The following GCA variants were observed in gnomAD, a reference collection of about 807,000 sequenced individuals.
The protein encoded by GCA is grancalcin.
Under a neutral mutation model 32.6 loss-of-function variants are expected in GCA, and 30 were observed. The ratio of observed to expected loss-of-function variants is 0.92; its 90% CI spans 0.69 to 1.25. The LOEUF (loss-of-function observed/expected upper bound fraction) is 1.25, where lower values mean the gene tolerates loss of function less well. Ranked by LOEUF, GCA falls within the 50% of genes most tolerant of loss-of-function variation. GCA has a pLI of 0.00. For missense variants in GCA, 291 were observed against 266.8 expected (o/e 1.09, Z -0.63); for synonymous variants, 102 against 84.6 (o/e 1.21, Z -1.13).
In GCA at chr2:162,352,425, C is replaced by T. The variant is rs201832729; in HGVS notation, c.262+18C>T. The T allele has an allele frequency of 2.0e-5, 28 of 1,430,086 alleles. No homozygotes were observed. The highest frequency in any genetic ancestry group is 2.7e-5 in the Non-Finnish European group (28 of 1,021,486). 88.6% of individuals were successfully genotyped at this position (1,430,086 alleles called of 1,614,324 possible). A position where few individuals can be genotyped will look rare whatever the true frequency, so the allele number is the denominator to read the frequency against. Reference sequence around the variant, plus strand: ...TTACTCTCGTGAGATCTTTTTTCCCCTTTTGTTGAAATTATAATAGGAAGT... The same window carrying T: ...TTACTCTCGTGAGATCTTTTTTCCCTTTTTGTTGAAATTATAATAGGAAGT... On this transcript the variant is annotated intron_variant, in intron 3 of 7. Coordinates refer to ENST00000437150, the MANE Select transcript of GCA (RefSeq NM_012198.5).
At chr2:162,363,876 G>A (rs1685671497), downstream of GCA, among the ~76,000 whole-genome samples, 1 of 151,516 alleles carries the variant, frequency 6.6e-6, no homozygotes, top group Admixed American at 6.6e-5. Flanking sequence ...GTGTGCTTCT[G>A]TGTATCTGAA....
intron 5 of GCA, among the ~76,000 whole-genome samples, chr2:162,358,576 T>C (rs1194355202): frequency 1.3e-5 from 2 of 151,372 alleles, no homozygotes; most frequent in African/African-American, 2.4e-5. Flanking sequence ...TTTTCCCCTG[T>C]AGAGTAATCA....
At chr2:162,355,147 G>A (rs1685203589) in intron 3 of GCA, among the ~76,000 whole-genome samples, 2 of 152,114 alleles carry the variant, frequency 1.3e-5, no homozygotes, top group South Asian at 2.1e-4. Flanking sequence ...CTTTGTAAAC[G>A]TGGGGAACTG....
At chr2:162,371,759 T>C, downstream of GCA, 1 of 1,414,558 alleles carries the variant, frequency 7.1e-7, no homozygotes, top group African/African-American at 1.4e-5. Context: ...GTAGAGAGGA[T>C]TTAAATAGAA....
At chr2:162,321,900 A>AACTAAATT (rs1558881533) in intron 1 of GCA, among the ~76,000 whole-genome samples, 6 of 95,442 alleles carry the variant, frequency 6.3e-5, no homozygotes, top group Non-Finnish European at 1.3e-4. Flanking sequence ...ATATATATAT[A>AACTAAATT]TATATATATA....
At chr2:162,354,390 A>C (rs180700727) in intron 3 of GCA, among the ~76,000 whole-genome samples, 4 of 152,226 alleles carry the variant, frequency 2.6e-5, no homozygotes, top group Admixed American at 1.3e-4. Flanking sequence ...AATCTTTTGT[A>C]AATTGTCCTT....
chr2:162,332,421 C>G (rs1360094074), intron 1 of GCA, among the ~76,000 whole-genome samples: 1 of 148,936 alleles, frequency 6.7e-6, no homozygotes, highest in Non-Finnish European at 1.5e-5. Context: ...GCAGTAGCCC[C>G]CTGGACACTT....
At chr2:162,367,762 A>G (rs558733330), downstream of GCA, among the ~76,000 whole-genome samples, 1 of 152,118 alleles carries the variant, frequency 6.6e-6, no homozygotes, top group Non-Finnish European at 1.5e-5. Context: ...TTTTAATGCC[A>G]TGTTTCTGGA....
At position 162,344,227 on chromosome 2, in the gene GCA, C is replaced by T. The variant is rs376042341; in HGVS notation, c.-22C>T. 23 of 1,613,534 alleles carry T rather than the reference C, an allele frequency of 1.4e-5. No individual in the cohort carries two copies. The highest frequency in any genetic ancestry group is 1.9e-5 in the Non-Finnish European group (22 of 1,179,828). ...GCGGACGCGACTCGAGGGTGACGCT[C>T]GCTCCGCTCGTCCCGCTCGTCATGG... is the stretch of plus-strand genomic sequence containing the variant. On this transcript the variant is annotated 5_prime_UTR_variant, in exon 1 of 8. Coordinates refer to ENST00000437150, the MANE Select transcript of GCA (RefSeq NM_012198.5).
intron 3 of GCA, among the ~76,000 whole-genome samples, chr2:162,354,373 G>C (rs546971788): frequency 6.6e-6 from 1 of 152,208 alleles, no homozygotes; most frequent in South Asian, 2.1e-4. Context: ...ACTCAGAAGG[G>C]TTCTCAAATC....
chr2:162,341,954 C>T (rs962439436), upstream of GCA, among the ~76,000 whole-genome samples: 19 of 152,030 alleles, frequency 1.2e-4, no homozygotes, highest in East Asian at 3.9e-4. Flanking sequence ...ATGCCTAGTA[C>T]GTCGTATTCA....
downstream of GCA, among the ~76,000 whole-genome samples, chr2:162,364,870 G>T (rs1199004262): frequency 6.6e-6 from 1 of 151,536 alleles, no homozygotes; most frequent in Non-Finnish European, 1.5e-5. Flanking sequence ...TTATCCACCA[G>T]AAATTTTAAG....
At chr2:162,320,813 A>T (rs1323955141) in intron 1 of GCA, among the ~76,000 whole-genome samples, 1 of 152,186 alleles carries the variant, frequency 6.6e-6, no homozygotes, top group East Asian at 1.9e-4. Flanking sequence ...GGGAAGATAG[A>T]TGGTAAGTAA....
At chr2:162,337,629 G>T (rs1016713765) in intron 1 of GCA, among the ~76,000 whole-genome samples, 1 of 152,024 alleles carries the variant, frequency 6.6e-6, no homozygotes, top group Non-Finnish European at 1.5e-5. Flanking sequence ...GCATTAATTG[G>T]GCTCATTATA....
chr2:162,361,262 T>C lies in GCA; in HGVS notation c.*1019T>C. ...ATAGTAGGCACCACAGCAACTTTTC[T>C]GCGTGGTACTAAAACTGCCGAAAAT... On this transcript the variant is annotated 3_prime_UTR_variant, in exon 8 of 8. Transcript: ENST00000437150. 1.0e-6 allele frequency: 1 copy of C among 984,630 alleles called. No individual in the cohort carries two copies. 61.0% of individuals were successfully genotyped at this position (984,630 alleles called of 1,614,324 possible).
At chr2:162,371,532 C>G (rs1685946293) in exon 5 of GCA, 2 of 1,055,242 alleles carry the variant, frequency 1.9e-6, no homozygotes, top group Non-Finnish European at 2.4e-6. Flanking sequence ...ATAGGAGTCT[C>G]CATGCAAGAG....
chr2:162,351,745 A>G (rs750062444), intron 2 of GCA, among the ~76,000 whole-genome samples: 2 of 152,174 alleles, frequency 1.3e-5, no homozygotes, highest in African/African-American at 2.4e-5. Context: ...GAGGTACTAA[A>G]TCATAATGAG....
downstream of GCA, chr2:162,372,125 A>G (rs1174741613): frequency 2.6e-6 from 4 of 1,545,360 alleles, no homozygotes; most frequent in Non-Finnish European, 3.5e-6. Context: ...ACAAGTTTTT[A>G]TAATTCACAT....
intron 1 of GCA, among the ~76,000 whole-genome samples, chr2:162,327,846 T>A (rs1683940032): frequency 6.6e-6 from 1 of 152,168 alleles, no homozygotes; most frequent in South Asian, 2.1e-4. Flanking sequence ...ATAAAGAGAT[T>A]AGAGCCATTT....
Sources: gnomAD v4.1 joint callset for allele counts (sites outside exome capture counted in the v4.1 genomes callset) on GRCh38, gnomAD v4.1.1 for gene constraint, MANE v1.5 for transcripts, NCBI Gene and HGNC (gene_info 2026-07-23, HGNC 2026-07-21) for gene names.